ACADSB: variants seen among roughly 807,000 people sequenced by gnomAD.
The protein encoded by ACADSB is acyl-CoA dehydrogenase short/branched chain, also known as short/branched chain specific acyl-CoA dehydrogenase, mitochondrial.
A neutral mutation model predicts 54.1 loss-of-function variants in ACADSB; 40 were observed. That is an observed-to-expected ratio of 0.74 (90% CI 0.57 to 0.96). The LOEUF is 0.96. Ranked by LOEUF, ACADSB falls within the 40% of genes least tolerant of loss-of-function variation. ACADSB has a pLI of 0.00. For missense variants in ACADSB, 530 were observed against 510.4 expected (o/e 1.04, Z -0.37); for synonymous variants, 182 against 182.8 (o/e 1.00, Z 0.03).
rs1850670553 is a variant in ACADSB, at chr10:123,054,008, CTG to C, written c.*245_*246del. 3.4e-6 allele frequency: 2 copies of C among 582,646 alleles called. No homozygotes were observed. Among genetic ancestry groups the C allele is most frequent in the African/African-American group, 3.7e-5 (2 of 53,394 alleles). 36.1% of individuals were successfully genotyped at this position (582,646 alleles called of 1,614,324 possible). A position where few individuals can be genotyped will look rare whatever the true frequency, so the allele number is the denominator to read the frequency against. On this transcript the variant is annotated 3_prime_UTR_variant, in exon 11 of 11. Coordinates refer to ENST00000358776, the MANE Select transcript of ACADSB (RefSeq NM_001609.4). The stretch of plus-strand genomic sequence containing the variant: ...TAAGCACCTGTATTTTTTTCCAAAA[CTG>C]TTTTTAAAGCTGTATACGCATACAT...
At chr10:123,025,952 G>A (rs775681305) in intron 1 of ACADSB, among the ~76,000 whole-genome samples, 1 of 151,966 alleles carries the variant, frequency 6.6e-6, no homozygotes, top group Non-Finnish European at 1.5e-5. Context: ...TCCCAGCTAC[G>A]CAGGAGGCTG....
chr10:123,032,956 C>CCTG (rs1217499863), intron 1 of ACADSB, among the ~76,000 whole-genome samples: 7 of 152,178 alleles, frequency 4.6e-5, no homozygotes, highest in Admixed American at 2.0e-4. Context: ...ACCATTCTCT[C>CCTG]CTGCTGCTGC....
In ACADSB at chr10:123,019,442, G is replaced by T. The variant is rs543717679; in HGVS notation, c.42+10371G>T. ...CTACAAGATCAATAACAAGGATGAC[G>T]CCAGTCCAGGATTGAACAGGCAGTT... On this transcript the variant is annotated intron_variant, in intron 1 of 10. Coordinates refer to ENST00000358776, the MANE Select transcript of ACADSB (RefSeq NM_001609.4). Among the ~76,000 whole-genome samples, 186 of 152,298 alleles carry T rather than the reference G, an allele frequency of 1.2e-3. 2 individuals are homozygous for T. The highest frequency in any genetic ancestry group is 4.3e-3 in the African/African-American group (177 of 41,562).
At chr10:123,051,892 C>T (rs1158633151) in intron 9 of ACADSB, among the ~76,000 whole-genome samples, 1 of 152,178 alleles carries the variant, frequency 6.6e-6, no homozygotes, top group African/African-American at 2.4e-5. Context: ...GTCATCTTGG[C>T]ACCCTGCTTT....
chr10:123,056,110 C>A lies in ACADSB; in HGVS notation c.*2345C>A. The A allele has an allele frequency of 6.3e-6, 1 of 157,666 alleles. No homozygotes were observed. Among genetic ancestry groups the A allele is most frequent in the Non-Finnish European group, 1.4e-5 (1 of 72,256 alleles). 9.8% of individuals were successfully genotyped at this position (157,666 alleles called of 1,614,324 possible). ...ACTGTTCCAACCTCTGCCTGTTACC[C>A]AGTTCCAAACTTGCTTTCATATTTT... On this transcript the variant is annotated 3_prime_UTR_variant, in exon 11 of 11. Coordinates refer to ENST00000358776, the MANE Select transcript of ACADSB (RefSeq NM_001609.4).
intron 1 of ACADSB, among the ~76,000 whole-genome samples, chr10:123,023,581 T>C (rs1288431337): frequency 1.3e-5 from 2 of 152,092 alleles, no homozygotes; most frequent in African/African-American, 4.8e-5. Flanking sequence ...TATGCCCCAA[T>C]AGATAATCCA....
At chr10:123,015,255 G>A (rs929146225) in intron 1 of ACADSB, among the ~76,000 whole-genome samples, 26 of 152,210 alleles carry the variant, frequency 1.7e-4, no homozygotes, top group African/African-American at 5.3e-4. Flanking sequence ...GGAAGACTAA[G>A]TAACCATAAA....
chr10:123,011,349 A>G (rs560653205), intron 1 of ACADSB, among the ~76,000 whole-genome samples: 3 of 152,166 alleles, frequency 2.0e-5, no homozygotes, highest in African/African-American at 4.8e-5. Context: ...CCCAAGTCAC[A>G]TAACAATCAG....
chr10:123,031,371 A>C (rs917591588), intron 1 of ACADSB, among the ~76,000 whole-genome samples: 3 of 152,236 alleles, frequency 2.0e-5, no homozygotes, highest in Admixed American at 2.0e-4. Flanking sequence ...GATCAGACTC[A>C]AGCTCTGGAA....
intron 1 of ACADSB, among the ~76,000 whole-genome samples, chr10:123,011,658 C>G (rs866885219): frequency 6.6e-6 from 1 of 151,650 alleles, no homozygotes; most frequent in Non-Finnish European, 1.5e-5. Flanking sequence ...TCCCGAGTAA[C>G]TGGGATTACA....
intron 1 of ACADSB, among the ~76,000 whole-genome samples, chr10:123,016,799 A>G (rs918080450): frequency 1.3e-5 from 2 of 152,208 alleles, no homozygotes; most frequent in Non-Finnish European, 2.9e-5. Flanking sequence ...TCAGAATTGG[A>G]GCAAAAGAAG....
At chr10:123,030,598 G>A (rs1850313765) in intron 1 of ACADSB, among the ~76,000 whole-genome samples, 1 of 151,932 alleles carries the variant, frequency 6.6e-6, no homozygotes. Flanking sequence ...ACTCTTAAGG[G>A]TCAAGTAGTT....
intron 7 of ACADSB, among the ~76,000 whole-genome samples, chr10:123,045,242 G>A (rs1220460193): frequency 6.8e-5 from 9 of 132,820 alleles, no homozygotes; most frequent in Non-Finnish European, 1.4e-4. Flanking sequence ...GCAGTGGTGC[G>A]ATCTCGGCTC....
At chr10:123,037,641 G>T (rs528278687) in intron 2 of ACADSB, 106 bp from the exon 3 acceptor site, 1 of 741,160 alleles carries the variant, frequency 1.3e-6, no homozygotes, top group South Asian at 1.6e-5. Context: ...TATAAGAAGG[G>T]TACCTGTGTA....
Position 123,017,972 on chromosome 10 carries a change from G to A in ACADSB, c.42+8901G>A, listed in dbSNP as rs1041435077. Among the ~76,000 whole-genome samples the A allele has an allele frequency of 3.9e-5, 6 of 152,308 alleles. 1 individual carries two copies. The South Asian group carries it at 1.2e-3, about 32-fold the overall frequency. On this transcript the variant is annotated intron_variant, in intron 1 of 10. Transcript: ENST00000358776. ...AAGCCTCCAGGTAGCCGACTTCAGA[G>A]AGAATGGATTGAAATGCTTCTTATT...
At chr10:123,021,382 C>T (rs1450830357) in intron 1 of ACADSB, among the ~76,000 whole-genome samples, 4 of 152,040 alleles carry the variant, frequency 2.6e-5, no homozygotes, top group Non-Finnish European at 2.9e-5. Context: ...CAAATAATAC[C>T]CTTTTGAATG....
At chr10:123,050,998 T>A in intron 8 of ACADSB, 51 bp from the exon 9 acceptor site, 1 of 1,595,978 alleles carries the variant, frequency 6.3e-7, no homozygotes, top group Non-Finnish European at 8.5e-7. Context: ...GAGGTTGAGG[T>A]GCTTGCTTTT....
intron 5 of ACADSB, 140 bp from the exon 6 acceptor site, chr10:123,042,906 C>A: frequency 1.1e-6 from 1 of 883,486 alleles, no homozygotes; most frequent in Non-Finnish European, 1.8e-6. Context: ...GCTCTCGTTT[C>A]ATAATGCCCA....
At chr10:123,034,054 A>G (rs1017970436) in intron 1 of ACADSB, among the ~76,000 whole-genome samples, 1 of 152,190 alleles carries the variant, frequency 6.6e-6, no homozygotes, top group African/African-American at 2.4e-5. Context: ...CCCTTCTAAA[A>G]TGTCAGTGAA....
Sources: gnomAD v4.1 joint callset for allele counts (sites outside exome capture counted in the v4.1 genomes callset) on GRCh38, gnomAD v4.1.1 for gene constraint, MANE v1.5 for transcripts, NCBI Gene and HGNC (gene_info 2026-07-23, HGNC 2026-07-21) for gene names.